Variants in ZNF441 observed in about 807,000 individuals in gnomAD.
ZNF441 encodes the protein zinc finger protein 441.
ZNF441 carries 25 observed loss-of-function variants against 64.5 expected under a neutral mutation model. That is an observed-to-expected ratio of 0.39 (90% CI 0.28 to 0.54). The LOEUF (loss-of-function observed/expected upper bound fraction) is 0.54. ZNF441 is among the 20% of genes least tolerant of loss of function. ZNF441 has a pLI of 0.70. For missense variants in ZNF441, 715 were observed against 843.3 expected, an observed-to-expected ratio of 0.85 and a Z score of 1.88; for synonymous variants, 262 against 268.0, an observed-to-expected ratio of 0.98 and a Z score of 0.22.
At chr19:11,771,717 C>G (rs1975314655) in intron 1 of ZNF441, among the ~76,000 whole-genome samples, 2 of 152,354 alleles carry the variant, frequency 1.3e-5, no homozygotes, top group Admixed American at 1.3e-4. Flanking sequence ...GCTCCTTGGT[C>G]TAGCAGTGAC....
At position 11,782,931 on chromosome 19, in the gene ZNF441, A is replaced by G. The variant is rs937343811; in HGVS notation, c.*1025A>G. The G allele has an allele frequency of 5.9e-5, 9 of 152,214 alleles. No individual in the cohort carries two copies. The highest frequency in any genetic ancestry group is 1.3e-4 in the Non-Finnish European group (9 of 68,026). The allele number at this position is 152,214 out of a possible 1,614,324, so 9.4% of individuals were successfully genotyped here. On this transcript the variant is annotated 3_prime_UTR_variant, in exon 4 of 4. Transcript: ENST00000357901. Reference sequence around the variant, plus strand: ...TAATACCTCAAAGCACAGACAACAAAGATAAAAATAGACAAATGAGACTAT... The same window carrying G: ...TAATACCTCAAAGCACAGACAACAAGGATAAAAATAGACAAATGAGACTAT...
intron 1 of ZNF441, among the ~76,000 whole-genome samples, chr19:11,771,848 TTTA>T (rs1975316464): frequency 6.6e-6 from 1 of 151,966 alleles, no homozygotes; most frequent in Admixed American, 6.6e-5. Context: ...CCCGGGGGAG[TTTA>T]GAGAAGACTG....
chr19:11,781,883 C>T lies in ZNF441; in HGVS notation c.2059C>T (p.His687Tyr), dbSNP rs1189462954. The change falls in exon 4 of 4, where the codon CAT becomes TAT. Residue 687 changes from histidine (H) to tyrosine (Y), a missense_variant. Physicochemically the swap from His to Tyr is moderately conservative, Grantham distance 83. Transcript: ENST00000357901. ...GEAFHCISSF[H>Y]KHEMTH The stretch of plus-strand genomic sequence containing the variant: ...AGCATTTCATTGTATCAGTTCCTTT[C>T]ATAAACATGAAATGACTCACTAGAG... The T allele has an allele frequency of 3.8e-6, 6 of 1,594,574 alleles. No individual in the cohort carries two copies. The highest frequency in any genetic ancestry group is 5.1e-6 in the Non-Finnish European group (6 of 1,168,562).
intron 3 of ZNF441, among the ~76,000 whole-genome samples, chr19:11,779,664 G>A (rs538711341): frequency 6.6e-6 from 1 of 151,830 alleles, no homozygotes; most frequent in East Asian, 2.0e-4. Context: ...AGAATGGTGT[G>A]AACCCGGGGG....
chr19:11,773,702 T>C (rs1975333505), intron 1 of ZNF441, among the ~76,000 whole-genome samples: 1 of 152,204 alleles, frequency 6.6e-6, no homozygotes, highest in Middle Eastern at 3.2e-3. Flanking sequence ...TTATGAAATA[T>C]CTCCATCGTG....
chr19:11,772,631 G>A (rs567230495), intron 1 of ZNF441, among the ~76,000 whole-genome samples: 1 of 152,248 alleles, frequency 6.6e-6, no homozygotes, highest in South Asian at 2.1e-4. Context: ...CAGCACTTTG[G>A]GAGACCAAGA....
In ZNF441 at chr19:11,783,316, A is replaced by G. The variant is rs1975418765; in HGVS notation, c.*1410A>G. ...TGCTGATGAGGATGTGGAGAAAAGA[A>G]AACTTTCACTGTTGGTGAAAGTATA... On this transcript the variant is annotated 3_prime_UTR_variant, in exon 4 of 4. Coordinates refer to ENST00000357901, the MANE Select transcript of ZNF441 (RefSeq NM_152355.3). 1 of 152,218 alleles carries G rather than the reference A, an allele frequency of 6.6e-6. No homozygotes were observed. The highest frequency in any genetic ancestry group is 2.1e-4 in the South Asian group (1 of 4,832). The allele number at this position is 152,218 out of a possible 1,614,324, so 9.4% of individuals were successfully genotyped here.
At position 11,781,137 on chromosome 19, in the gene ZNF441, A is replaced by G. The variant is rs773293588; in HGVS notation, c.1313A>G (p.Glu438Gly). Residue 438 changes from glutamate (E) to glycine (G), a missense_variant, in exon 4 of 4, where the codon GAA (glutamate) becomes GGA (glycine). Physicochemically the swap from Glu to Gly is moderately conservative, Grantham distance 98. This residue lies in a region of ZNF441 where 316 missense variants were observed against 429.3 expected (regional missense o/e 0.74). Coordinates refer to ENST00000357901, the MANE Select transcript of ZNF441 (RefSeq NM_152355.3). ...FICCTYLQIH[E>G]RIHTGERPYK... ...TGTTGCACTTACCTTCAAATACATG[A>G]AAGAATTCACACTGGGGAGAGACCC... is the stretch of plus-strand genomic sequence containing the variant. 2 of 1,614,086 alleles carry G rather than the reference A, an allele frequency of 1.2e-6. No homozygotes were observed. The highest frequency in any genetic ancestry group is 1.7e-6 in the Non-Finnish European group (2 of 1,180,030).
At chr19:11,770,825 G>C (rs189045310) in intron 1 of ZNF441, among the ~76,000 whole-genome samples, 1 of 151,858 alleles carries the variant, frequency 6.6e-6, no homozygotes, top group Admixed American at 6.6e-5. Context: ...CTGGGCTCAA[G>C]CAGTCTGCTG....
intron 1 of ZNF441, among the ~76,000 whole-genome samples, chr19:11,769,124 G>A (rs1395836658): frequency 6.6e-6 from 1 of 152,186 alleles, no homozygotes; most frequent in Non-Finnish European, 1.5e-5. Context: ...GAAGAACTGG[G>A]AGAAGATAGA....
In ZNF441 at chr19:11,783,716, A is replaced by T. The variant is rs1313967838; in HGVS notation, c.*1810A>T. 2 of 152,168 alleles carry T rather than the reference A, an allele frequency of 1.3e-5. No homozygotes were observed. The highest frequency in any genetic ancestry group is 6.5e-5 in the Admixed American group (1 of 15,268). 9.4% of individuals were successfully genotyped at this position (152,168 alleles called of 1,614,324 possible). A position where few individuals can be genotyped will look rare whatever the true frequency, so the allele number is the denominator to read the frequency against. ...CTCACTTATATGTGGGAGGTGAAAAACTTCACCTCATGGAGATAGGGAATA... is the reference window on the plus strand; with the variant it reads ...CTCACTTATATGTGGGAGGTGAAAATCTTCACCTCATGGAGATAGGGAATA... On this transcript the variant is annotated 3_prime_UTR_variant, in exon 4 of 4. Coordinates refer to ENST00000357901, the MANE Select transcript of ZNF441 (RefSeq NM_152355.3).
chr19:11,780,285 C>T lies in ZNF441; in HGVS notation c.461C>T (p.Pro154Leu). 6.2e-7 allele frequency: 1 copy of T among 1,614,110 alleles called. No individual in the cohort carries two copies. ...TGTGGGACAGCTTTCAGTTATCAGC[C>T]CTGCTTTCAAATACATGAAAGACCT... ...TQCGTAFSYQ[P>L]CFQIHERPQH... Residue 154 changes from proline to leucine, a missense_variant, in exon 4 of 4, where the codon CCC becomes CTC. This residue lies in a region of ZNF441 where 399 missense variants were observed against 413.9 expected (regional missense o/e 0.96). Transcript: ENST00000357901.
At chr19:11,779,318 CAAAAAAAAAA>C (rs67463970) in intron 3 of ZNF441, among the ~76,000 whole-genome samples, 6 of 103,432 alleles carry the variant, frequency 5.8e-5, no homozygotes, top group Non-Finnish European at 1.0e-4. Context: ...AACCCAGTTT[CAAAAAAAAAA>C]AAAAAAAAAG....
chr19:11,773,072 T>G (rs921250719), intron 1 of ZNF441, among the ~76,000 whole-genome samples: 7 of 152,304 alleles, frequency 4.6e-5, no homozygotes, highest in Non-Finnish European at 7.4e-5. Context: ...ATTACAGGTG[T>G]GAGCCACTGC....
chr19:11,767,137 G>C lies in ZNF441; in HGVS notation c.-57G>C. The C allele has an allele frequency of 1.9e-6, 3 of 1,553,106 alleles. No individual in the cohort carries two copies. Among genetic ancestry groups the C allele is most frequent in the Non-Finnish European group, 2.6e-6 (3 of 1,147,908 alleles). Reference sequence around the variant, plus strand: ...GTCTGTGGCAGCTTCTGTCTCGCTGGGACCCGCACTGACAGCGGGAGGCAG... The same window carrying C: ...GTCTGTGGCAGCTTCTGTCTCGCTGCGACCCGCACTGACAGCGGGAGGCAG... On this transcript the variant is annotated 5_prime_UTR_variant, in exon 1 of 4. Transcript: ENST00000357901. The surrounding 1 kb of genome is among the most constrained non-coding windows in gnomAD (Gnocchi z 5.1).
intron 1 of ZNF441, among the ~76,000 whole-genome samples, chr19:11,776,721 TTCTC>T (rs531219971): frequency 4.6e-5 from 7 of 152,234 alleles, no homozygotes; most frequent in Non-Finnish European, 1.0e-4. Flanking sequence ...CTTCCAAATG[TTCTC>T]TCTTAGTGTA....
chr19:11,770,322 C>T (rs1863617147), intron 1 of ZNF441, among the ~76,000 whole-genome samples: 1 of 152,130 alleles, frequency 6.6e-6, no homozygotes, highest in South Asian at 2.1e-4. Context: ...CCCCATGATC[C>T]AGTCACCTCC....
At chr19:11,770,748 C>A (rs7256961) in intron 1 of ZNF441, among the ~76,000 whole-genome samples, 22,905 of 151,816 alleles carry the variant, frequency 0.15, 3,686 homozygotes, top group African/African-American at 0.39. Flanking sequence ...CCACCCCATC[C>A]TGCTAATTTT....
chr19:11,778,063 T>C, intron 2 of ZNF441: 2 of 439,040 alleles, frequency 4.6e-6, no homozygotes, highest in Non-Finnish European at 8.1e-6. Flanking sequence ...TTAGTATTCA[T>C]AGAAAATACA....
Sources: gnomAD v4.1 joint callset for allele counts (sites outside exome capture counted in the v4.1 genomes callset) on GRCh38, gnomAD v4.1.1 for gene constraint, gnomAD v4.1.1 regional missense constraint, Gnocchi (gnomAD v3.1) non-coding constraint, MANE v1.5 for transcripts, NCBI Gene and HGNC (gene_info 2026-07-23, HGNC 2026-07-21) for gene names.